The following SLC14A2 variants were observed in gnomAD, a reference collection of about 807,000 sequenced individuals.
The protein encoded by SLC14A2 is urea transporter 2.
In SLC14A2, 91 loss-of-function variants were observed where a neutral mutation model predicts 104.6. That is an observed-to-expected ratio of 0.87 (90% CI 0.73 to 1.04). The LOEUF (loss-of-function observed/expected upper bound fraction) is 1.04. Ranked by LOEUF, SLC14A2 falls within the 50% of genes least tolerant of loss-of-function variation. The probability of loss-of-function intolerance (pLI) is 0.00; values close to 1 mark genes in which losing one functional copy is unlikely to be tolerated. For synonymous variants in SLC14A2, 476 were observed against 466.4 expected, an observed-to-expected ratio of 1.02 and a Z score of -0.27; for missense variants, 1,189 against 1,156.0, an observed-to-expected ratio of 1.03 and a Z score of -0.41.
intron 1 of SLC14A2, among the ~76,000 whole-genome samples, chr18:45,390,283 C>G (rs2085946267): frequency 6.6e-6 from 1 of 152,142 alleles, no homozygotes; most frequent in African/African-American, 2.4e-5. Flanking sequence ...CATCTTGTCA[C>G]TGGGCTTCAT....
intron 1 of SLC14A2, among the ~76,000 whole-genome samples, chr18:45,342,723 A>C (rs1457259422): frequency 6.6e-6 from 1 of 152,218 alleles, no homozygotes; most frequent in African/African-American, 2.4e-5. Flanking sequence ...TAGGAGGTAA[A>C]TTGAGCCAGA....
chr18:45,431,628 C>T (rs934819710), intron 1 of SLC14A2, among the ~76,000 whole-genome samples: 17 of 152,178 alleles, frequency 1.1e-4, no homozygotes, highest in Non-Finnish European at 2.4e-4. Context: ...GGCACCACCT[C>T]AGCCTGAAGG....
chr18:45,645,458 T>C (rs1285933437), intron 10 of SLC14A2, among the ~76,000 whole-genome samples: 3 of 152,038 alleles, frequency 2.0e-5, no homozygotes, highest in African/African-American at 7.2e-5. Flanking sequence ...GGAAATTTAC[T>C]TCATTCTTCT....
In SLC14A2 at chr18:45,425,496, C is replaced by T. The variant is rs568219846; in HGVS notation, c.-124-57737C>T. ...TATCCTTGGTTCTGTCCCTGTTAGT[C>T]CCCCTGATGAATTGCCAGTACATCA... On this transcript the variant is annotated intron_variant, in intron 1 of 20. Transcript: ENST00000586448. Among the ~76,000 whole-genome samples the T allele has an allele frequency of 1.6e-4, 25 of 152,250 alleles. 1 individual carries two copies. The highest frequency in any genetic ancestry group is 6.0e-4 in the African/African-American group (25 of 41,550).
chr18:45,396,664 CT>C (rs1276522177), intron 1 of SLC14A2, among the ~76,000 whole-genome samples: 6 of 129,814 alleles, frequency 4.6e-5, no homozygotes, highest in South Asian at 2.4e-4. Context: ...TTTTTTCCCT[CT>C]TTTTTTTTAA....
chr18:45,342,469 G>A lies in SLC14A2; in HGVS notation c.-125+129278G>A, dbSNP rs565482733. Among the ~76,000 whole-genome samples, 6 of 152,210 alleles carry A rather than the reference G, an allele frequency of 3.9e-5. 1 individual carries two copies. The highest frequency in any genetic ancestry group is 1.4e-4 in the African/African-American group (6 of 41,456). On this transcript the variant is annotated intron_variant, in intron 1 of 20. Transcript: ENST00000586448. ...GTGGTTTAAAGTCAAGGGCAGAGAC[G>A]TGAACACGGGCCAGTCCATGCTGGG...
chr18:45,622,837 G>A (rs1315878325), intron 1 of SLC14A2, among the ~76,000 whole-genome samples: 1 of 152,184 alleles, frequency 6.6e-6, no homozygotes, highest in Non-Finnish European at 1.5e-5. Context: ...GCAGAAAGCA[G>A]ACTGAGCTGG....
intron 2 of SLC14A2, among the ~76,000 whole-genome samples, chr18:45,542,042 T>TTTG (rs2043894061): frequency 3.8e-5 from 4 of 105,768 alleles, no homozygotes; most frequent in African/African-American, 6.2e-5. Context: ...AGGGTTTTTT[T>TTTG]TTTTTTTTTT....
intron 1 of SLC14A2, among the ~76,000 whole-genome samples, chr18:45,479,343 A>C (rs1222418080): frequency 6.6e-6 from 1 of 152,254 alleles, no homozygotes; most frequent in Admixed American, 6.5e-5. Context: ...ATGAATAAAT[A>C]AAGGAATGAA....
intron 1 of SLC14A2, among the ~76,000 whole-genome samples, chr18:45,401,886 G>C (rs2086100163): frequency 6.6e-6 from 1 of 152,162 alleles, no homozygotes; most frequent in South Asian, 2.1e-4. Flanking sequence ...ATCATTCCCA[G>C]ATTATAGTTT....
intron 2 of SLC14A2, among the ~76,000 whole-genome samples, chr18:45,609,803 C>A (rs1284602927): frequency 6.6e-6 from 1 of 152,176 alleles, no homozygotes; most frequent in Non-Finnish European, 1.5e-5. Context: ...AACTAGATTC[C>A]TCAGGAGCAT....
At chr18:45,179,786 A>C in the SLC14A2 span, 1 of 151,984 alleles carries the variant, frequency 6.6e-6, no homozygotes, top group Non-Finnish European at 1.5e-5. Context: ...AAAAAAATTG[A>C]CAACCTATAG....
chr18:45,496,188 C>G (rs574099792), intron 2 of SLC14A2, among the ~76,000 whole-genome samples: 1 of 152,218 alleles, frequency 6.6e-6, no homozygotes, highest in Non-Finnish European at 1.5e-5. Flanking sequence ...TCATTCAGTG[C>G]TCACAACCCT....
chr18:45,393,826 T>A (rs2085998866), intron 1 of SLC14A2, among the ~76,000 whole-genome samples: 1 of 152,230 alleles, frequency 6.6e-6, no homozygotes, highest in Admixed American at 6.5e-5. Context: ...GTTCTCACTA[T>A]GGGATATACA....
Position 45,235,955 on chromosome 18 carries a change from A to G in SLC14A2, c.-125+22764A>G, listed in dbSNP as rs370434642. On this transcript the variant is annotated intron_variant, in intron 1 of 20. Transcript: ENST00000586448. ...TGTATATATACATATATGTGTGTAT[A>G]TATGTATATATACATATATGTGTGT... Among the ~76,000 whole-genome samples, 232 of 87,124 alleles carry G rather than the reference A, an allele frequency of 2.7e-3. 24 individuals are homozygous for G. Among genetic ancestry groups the G allele is most frequent in the Middle Eastern group, 6.5e-3 (1 of 154 alleles). 57.2% of individuals were successfully genotyped at this position (87,124 alleles called of 152,430 possible).
At chr18:45,635,448 C>T (rs2045404212) in intron 5 of SLC14A2, among the ~76,000 whole-genome samples, 2 of 152,198 alleles carry the variant, frequency 1.3e-5, no homozygotes, top group African/African-American at 4.8e-5. Context: ...AATCCAGTGT[C>T]ATGGTAGCCC....
At chr18:45,195,932 G>A in the SLC14A2 span, among the ~76,000 whole-genome samples, 10 of 151,984 alleles carry the variant, frequency 6.6e-5, no homozygotes, top group East Asian at 7.7e-4. Context: ...TTCGTGAATC[G>A]GGCAGCCTCC....
At chr18:45,403,759 G>GAATGAATGAATGA (rs1555682876) in intron 1 of SLC14A2, among the ~76,000 whole-genome samples, 1 of 135,096 alleles carries the variant, frequency 7.4e-6, no homozygotes, top group Admixed American at 7.7e-5. Flanking sequence ...TTTAATCAGT[G>GAATGAATGAATGA]ATGAATGAAT....
intron 1 of SLC14A2, among the ~76,000 whole-genome samples, chr18:45,450,378 T>C (rs991108865): frequency 2.0e-5 from 3 of 152,198 alleles, no homozygotes; most frequent in African/African-American, 7.2e-5. Context: ...GGTCAACATT[T>C]CTTCTTGGCC....
Sources: gnomAD v4.1 joint callset for allele counts (sites outside exome capture counted in the v4.1 genomes callset) on GRCh38, gnomAD v4.1.1 for gene constraint, MANE v1.5 for transcripts, NCBI Gene and HGNC (gene_info 2026-07-23, HGNC 2026-07-21) for gene names.